The following PCDHA12 variants were observed in gnomAD, a reference collection of about 807,000 sequenced individuals.
PCDHA12 encodes the protein protocadherin alpha-12.
PCDHA12 carries 44 observed loss-of-function variants against 60.0 expected under a neutral mutation model. That is an observed-to-expected ratio of 0.73 (90% CI 0.58 to 0.94). PCDHA12 has a LOEUF of 0.94. PCDHA12 is among the 40% of genes least tolerant of loss of function. The probability of loss-of-function intolerance (pLI) is 0.00; values close to 1 mark genes in which losing one functional copy is unlikely to be tolerated. For synonymous variants in PCDHA12, 569 were observed against 553.0 expected (o/e 1.03, Z -0.40); for missense variants, 1,276 against 1,239.7 (o/e 1.03, Z -0.44).
At chr5:140,970,408 A>G (rs1292683019) in intron 1 of PCDHA12, among the ~76,000 whole-genome samples, 1 of 152,202 alleles carries the variant, frequency 6.6e-6, no homozygotes, top group Admixed American at 6.5e-5. Context: ...GGCTTACCCT[A>G]CAGTAAGGTG....
At chr5:140,932,145 C>G (rs1231469475) in intron 1 of PCDHA12, among the ~76,000 whole-genome samples, 2 of 151,710 alleles carry the variant, frequency 1.3e-5, no homozygotes, top group African/African-American at 4.8e-5. Context: ...AAAATTGATT[C>G]ACTGATTGTA....
intron 1 of PCDHA12, chr5:140,926,972 C>G (rs782504064): frequency 1.3e-5 from 21 of 1,609,464 alleles, no homozygotes; most frequent in Non-Finnish European, 1.7e-5. Context: ...TACTCAGTGC[C>G]GGAGGAGACG....
At chr5:140,986,859 C>T (rs1554248338) in intron 3 of PCDHA12, among the ~76,000 whole-genome samples, 1 of 152,152 alleles carries the variant, frequency 6.6e-6, no homozygotes, top group East Asian at 1.9e-4. Context: ...ACCAACAATA[C>T]CCGGAAACTT....
intron 1 of PCDHA12, among the ~76,000 whole-genome samples, chr5:140,898,035 T>G (rs1227571900): frequency 5.9e-5 from 9 of 152,120 alleles, no homozygotes; most frequent in African/African-American, 2.2e-4. Context: ...TTGATGGGGT[T>G]GTTTGTTTTT....
At chr5:140,882,016 A>C (rs1403488174) in intron 1 of PCDHA12, 1 of 543,846 alleles carries the variant, frequency 1.8e-6, no homozygotes, top group Non-Finnish European at 3.0e-6. Flanking sequence ...AAAAAATACT[A>C]CATCAATGGA....
At chr5:140,948,018 T>A (rs1308826509) in intron 1 of PCDHA12, among the ~76,000 whole-genome samples, 1 of 151,290 alleles carries the variant, frequency 6.6e-6, no homozygotes, top group Non-Finnish European at 1.5e-5. Context: ...GAAGTACCCT[T>A]TCTGGTTTGC....
intron 1 of PCDHA12, among the ~76,000 whole-genome samples, chr5:140,937,867 G>A (rs1009502911): frequency 7.9e-5 from 12 of 151,142 alleles, no homozygotes; most frequent in African/African-American, 1.2e-4. Flanking sequence ...AGCCGAGATC[G>A]CGCCACTGCA....
intron 1 of PCDHA12, chr5:140,927,113 A>G (rs782135853): frequency 1.9e-6 from 3 of 1,613,684 alleles, no homozygotes; most frequent in African/African-American, 1.3e-5. Context: ...CCCAGCGGCA[A>G]TTTGGTGGTC....
chr5:140,993,996 G>T (rs1163632974), intron 3 of PCDHA12, among the ~76,000 whole-genome samples: 1 of 152,148 alleles, frequency 6.6e-6, no homozygotes, highest in Non-Finnish European at 1.5e-5. Flanking sequence ...CTTAGGTCAG[G>T]CCAGGCTCTG....
intron 1 of PCDHA12, among the ~76,000 whole-genome samples, chr5:140,933,686 C>T (rs186587135): frequency 6.6e-6 from 1 of 151,890 alleles, no homozygotes; most frequent in Non-Finnish European, 1.5e-5. Flanking sequence ...ATTTTTTTTC[C>T]TATTCCTCGG....
At chr5:140,941,648 T>C (rs975692197) in intron 1 of PCDHA12, among the ~76,000 whole-genome samples, 1 of 152,074 alleles carries the variant, frequency 6.6e-6, no homozygotes, top group Non-Finnish European at 1.5e-5. Context: ...TTCCTACAAC[T>C]TATGTCCAAT....
At chr5:140,909,561 C>G (rs1281989854) in intron 1 of PCDHA12, among the ~76,000 whole-genome samples, 1 of 152,110 alleles carries the variant, frequency 6.6e-6, no homozygotes, top group Non-Finnish European at 1.5e-5. Flanking sequence ...TCTCTGCAAC[C>G]CATCCAGAGA....
At chr5:140,882,658 G>T in intron 1 of PCDHA12, 4 of 1,614,148 alleles carry the variant, frequency 2.5e-6, no homozygotes, top group South Asian at 1.1e-5. Flanking sequence ...ACGACAACCC[G>T]CCCATATTCC....
intron 3 of PCDHA12, 32 bp from the exon 4 acceptor site, chr5:141,009,595 C>A (rs781807814): frequency 6.2e-7 from 1 of 1,604,124 alleles, no homozygotes; most frequent in African/African-American, 1.3e-5. Context: ...TGTGTTGACC[C>A]TGTTAATGAT....
chr5:140,897,885 C>G (rs1554187646), intron 1 of PCDHA12, among the ~76,000 whole-genome samples: 1 of 152,182 alleles, frequency 6.6e-6, no homozygotes, highest in Non-Finnish European at 1.5e-5. Context: ...GCCATTCTAA[C>G]TGGTGTGAGA....
At chr5:140,898,366 A>G (rs1401153740) in intron 1 of PCDHA12, among the ~76,000 whole-genome samples, 1 of 152,132 alleles carries the variant, frequency 6.6e-6, no homozygotes, top group Non-Finnish European at 1.5e-5. Flanking sequence ...TAATTTTTGT[A>G]TAAGGTGTAA....
At chr5:140,915,770 A>G (rs1215607027) in intron 1 of PCDHA12, among the ~76,000 whole-genome samples, 4 of 151,908 alleles carry the variant, frequency 2.6e-5, no homozygotes, top group African/African-American at 4.8e-5. Context: ...GTCTTGTCCA[A>G]GGCCTGCTGT....
At chr5:140,910,911 T>G (rs1326687303) in intron 1 of PCDHA12, among the ~76,000 whole-genome samples, 1 of 152,170 alleles carries the variant, frequency 6.6e-6, no homozygotes, top group African/African-American at 2.4e-5. Context: ...CCTCCAGATT[T>G]TTGCTTATAT....
chr5:140,992,369 A>G (rs1554252849), intron 3 of PCDHA12, among the ~76,000 whole-genome samples: 1 of 152,188 alleles, frequency 6.6e-6, no homozygotes, highest in Non-Finnish European at 1.5e-5. Context: ...AATGGTTCCC[A>G]TTACATTATT....
Sources: gnomAD v4.1 joint callset for allele counts (sites outside exome capture counted in the v4.1 genomes callset) on GRCh38, gnomAD v4.1.1 for gene constraint, MANE v1.5 for transcripts, NCBI Gene and HGNC (gene_info 2026-07-23, HGNC 2026-07-21) for gene names.